Variants in MORC1 observed in about 807,000 individuals in gnomAD.
MORC1 encodes MORC family CW-type zinc finger protein 1.
MORC1 carries 59 observed loss-of-function variants against 134.9 expected under a neutral mutation model. That is an observed-to-expected ratio of 0.44 (90% CI 0.35 to 0.54). The LOEUF (loss-of-function observed/expected upper bound fraction) is 0.54. MORC1 is among the 20% of genes least tolerant of loss of function. The pLI, the probability that MORC1 is intolerant of heterozygous loss-of-function variation, is 0.00. For synonymous variants in MORC1, 395 were observed against 391.7 expected, an observed-to-expected ratio of 1.01 and a Z score of -0.10; for missense variants, 947 against 1,134.5, an observed-to-expected ratio of 0.83 and a Z score of 2.37.
At chr3:109,062,838 T>C (rs1324544464) in intron 10 of MORC1, among the ~76,000 whole-genome samples, 1 of 152,126 alleles carries the variant, frequency 6.6e-6, no homozygotes, top group African/African-American at 2.4e-5. Context: ...AATTCTCCCA[T>C]CTTGTCCTCC....
At chr3:109,065,489 G>A (rs576598867) in intron 9 of MORC1, among the ~76,000 whole-genome samples, 1 of 152,038 alleles carries the variant, frequency 6.6e-6, no homozygotes, top group East Asian at 1.9e-4. Flanking sequence ...TATGTGTGGT[G>A]CCCCCACACC....
chr3:109,089,427 T>C (rs1053611237), intron 8 of MORC1, among the ~76,000 whole-genome samples: 3 of 152,092 alleles, frequency 2.0e-5, no homozygotes, highest in South Asian at 2.1e-4. Flanking sequence ...TAGGAGGTCA[T>C]GATGGGCAGT....
At chr3:109,112,246 T>G (rs1951182769) in intron 2 of MORC1, among the ~76,000 whole-genome samples, 1 of 152,226 alleles carries the variant, frequency 6.6e-6, no homozygotes, top group South Asian at 2.1e-4. Context: ...GAAGAGCTAT[T>G]GTATTAGGAA....
At chr3:109,054,930 A>T (rs748862983) in intron 13 of MORC1, 48 bp from the exon 14 acceptor site, 1 of 1,521,720 alleles carries the variant, frequency 6.6e-7, no homozygotes, top group African/African-American at 1.4e-5. Flanking sequence ...GGCTAAAGAA[A>T]AAAATCAAAT....
At chr3:109,105,037 G>A (rs1211082123) in intron 3 of MORC1, among the ~76,000 whole-genome samples, 2 of 152,044 alleles carry the variant, frequency 1.3e-5, no homozygotes, top group Non-Finnish European at 2.9e-5. Context: ...TATGCTTTCT[G>A]TCCCCATAGA....
chr3:109,005,455 T>G (rs1576623108), intron 18 of MORC1, 140 bp from the exon 19 acceptor site: 1 of 755,414 alleles, frequency 1.3e-6, no homozygotes, highest in East Asian at 3.0e-5. Context: ...TAGAAACAAC[T>G]TTAATAATGT....
At chr3:108,993,106 A>G (rs945078655) in intron 21 of MORC1, among the ~76,000 whole-genome samples, 2 of 152,200 alleles carry the variant, frequency 1.3e-5, no homozygotes, top group Non-Finnish European at 2.9e-5. Context: ...AGCCTGGGTC[A>G]GCCTGTCAGA....
chr3:108,974,547 C>T (rs1947495084), intron 24 of MORC1, among the ~76,000 whole-genome samples: 1 of 152,150 alleles, frequency 6.6e-6, no homozygotes, highest in Non-Finnish European at 1.5e-5. Context: ...GGCCAGGAGA[C>T]ACGAAGCACA....
chr3:109,030,691 C>G (rs1027641494), intron 16 of MORC1, among the ~76,000 whole-genome samples: 1 of 152,134 alleles, frequency 6.6e-6, no homozygotes, highest in Non-Finnish European at 1.5e-5. Context: ...GTCAACATGG[C>G]TAAATTTATC....
At chr3:109,115,827 G>A (rs72937323) in intron 1 of MORC1, among the ~76,000 whole-genome samples, 7,598 of 152,222 alleles carry the variant, frequency 0.05, 570 homozygotes, top group African/African-American at 0.16. Context: ...AAACTTATGA[G>A]GATGATATTA....
chr3:108,963,716 A>AC, intron 26 of MORC1, 108 bp from the exon 27 acceptor site: 2 of 734,688 alleles, frequency 2.7e-6, no homozygotes, highest in Non-Finnish European at 4.2e-6. Context: ...ACCAAGTGTC[A>AC]ACTTCGTAGG....
At chr3:108,994,275 C>T (rs192387141) in intron 21 of MORC1, among the ~76,000 whole-genome samples, 14 of 152,138 alleles carry the variant, frequency 9.2e-5, no homozygotes, top group African/African-American at 2.2e-4. Flanking sequence ...CTGACCATCA[C>T]GTGCTTAAAA....
chr3:109,058,820 T>A (rs1950018221), intron 12 of MORC1, among the ~76,000 whole-genome samples: 1 of 26,760 alleles, frequency 3.7e-5, no homozygotes, highest in Non-Finnish European at 2.4e-4. Flanking sequence ...CTGATATTCT[T>A]CTATTAAAAA....
At chr3:109,098,153 C>T (rs1250812648) in intron 6 of MORC1, among the ~76,000 whole-genome samples, 1 of 152,040 alleles carries the variant, frequency 6.6e-6, no homozygotes, top group African/African-American at 2.4e-5. Context: ...TCAAGTGATC[C>T]TCCCTCTTCA....
Position 109,004,097 on chromosome 3 carries a change from G to A in MORC1, c.2085+720C>T, listed in dbSNP as rs181829168. ...AAAATAAGAATAAGAATAAGAATAA[G>A]AATAATTCCTTTTGAAAAGACCATG... is the stretch of plus-strand genomic sequence containing the variant. On this transcript the variant is annotated intron_variant, in intron 20 of 27. Transcript: ENST00000232603. Among the ~76,000 whole-genome samples the A allele has an allele frequency of 2.4e-3, 369 of 152,052 alleles. 3 individuals are homozygous for A. Among genetic ancestry groups the A allele is most frequent in the Non-Finnish European group, 3.9e-3 (268 of 67,976 alleles).
At chr3:108,982,636 G>A (rs960752231) in intron 23 of MORC1, among the ~76,000 whole-genome samples, 1 of 150,144 alleles carries the variant, frequency 6.7e-6, no homozygotes, top group Non-Finnish European at 1.5e-5. Flanking sequence ...CATAAATGAC[G>A]AGTTAATGGG....
chr3:109,067,567 A>C (rs1950225580), intron 9 of MORC1, among the ~76,000 whole-genome samples: 1 of 152,182 alleles, frequency 6.6e-6, no homozygotes, highest in South Asian at 2.1e-4. Flanking sequence ...CCATGGACTT[A>C]AACTATTTTT....
At chr3:109,073,277 C>T (rs904638380) in intron 8 of MORC1, among the ~76,000 whole-genome samples, 1 of 152,130 alleles carries the variant, frequency 6.6e-6, no homozygotes, top group African/African-American at 2.4e-5. Context: ...GTGTTAAGGG[C>T]AGTGAAGGAG....
At chr3:109,109,122 T>C (rs1951104860) in intron 3 of MORC1, among the ~76,000 whole-genome samples, 1 of 152,120 alleles carries the variant, frequency 6.6e-6, no homozygotes, top group Non-Finnish European at 1.5e-5. Context: ...ATTCAGGTCT[T>C]TGCTTGTGTG....
Sources: gnomAD v4.1 joint callset for allele counts (sites outside exome capture counted in the v4.1 genomes callset) on GRCh38, gnomAD v4.1.1 for gene constraint, MANE v1.5 for transcripts, NCBI Gene and HGNC (gene_info 2026-07-23, HGNC 2026-07-21) for gene names.